Variants in SCN9A observed in about 807,000 individuals in gnomAD.
SCN9A encodes the protein sodium channel protein type 9 subunit alpha.
A neutral mutation model predicts 187.0 loss-of-function variants in SCN9A; 131 were observed. That is an observed-to-expected ratio of 0.70 (90% CI 0.61 to 0.81). SCN9A has a LOEUF of 0.81. Among genes scored for constraint, SCN9A ranks in the 30% least tolerant of loss-of-function variants. The pLI is 0.00. For missense variants in SCN9A, 2,252 were observed against 2,396.6 expected (o/e 0.94, Z 1.26); for synonymous variants, 809 against 808.6 (o/e 1.00, Z -0.01).
rs1250627204 is a variant in SCN9A, at chr2:166,204,115, A to G, written c.4614T>C (p.Gly1538=). The G allele has an allele frequency of 1.2e-6, 2 of 1,612,678 alleles. No individual in the cohort carries two copies. Among genetic ancestry groups the G allele is most frequent in the Admixed American group, 3.3e-5 (2 of 59,886 alleles). The change falls in exon 26 of 27, where the codon GGT becomes GGC. Residue 1538 remains glycine, a synonymous_variant. Coordinates refer to ENST00000642356, the MANE Select transcript of SCN9A (RefSeq NM_001365536.1). The part of the protein sequence containing the change: ...NMVTMMVEKE[G]QSQHMTEVLY... ...AAACTTCAGTCATATGTTGACTTTGACCCTCCTTTTCTACCATCATGGTTA... is the reference window on the plus strand; with the variant it reads ...AAACTTCAGTCATATGTTGACTTTGGCCCTCCTTTTCTACCATCATGGTTA...
chr2:166,346,182 C>T (rs528314905), intron 1 of SCN9A, among the ~76,000 whole-genome samples: 6 of 152,142 alleles, frequency 3.9e-5, no homozygotes, highest in Non-Finnish European at 7.3e-5. Flanking sequence ...CTACCACTAT[C>T]CCCTTTCCCC....
In SCN9A at chr2:166,360,623, T is replaced by A. The variant is rs112675405; in HGVS notation, c.-51+15074A>T. ...CTTTGGCACCAGGCAGACTTAGGTT[T>A]GAATTTCCTGTTTATTCCATATAAT... On this transcript the variant is annotated intron_variant, in intron 1 of 26. Coordinates refer to ENST00000642356, the MANE Select transcript of SCN9A (RefSeq NM_001365536.1). Among the ~76,000 whole-genome samples, 702 of 152,342 alleles carry A rather than the reference T, an allele frequency of 4.6e-3. 5 individuals carry two copies. The highest frequency in any genetic ancestry group is 0.015 in the African/African-American group (634 of 41,586).
At position 166,303,038 on chromosome 2, in the gene SCN9A, C is replaced by G. The variant is rs1698624454; in HGVS notation, c.901+52G>C. ...GCAACATTTCATTATTAAAAGAGAG[C>G]AATGTTTTTAGCATTATTTCAACCT... On this transcript the variant is annotated intron_variant, in intron 7 of 26. Coordinates refer to ENST00000642356, the MANE Select transcript of SCN9A (RefSeq NM_001365536.1). 6.4e-6 allele frequency: 8 copies of G among 1,244,562 alleles called. No homozygotes were observed. The South Asian group carries it at 1.1e-4, about 17-fold the overall frequency. The allele number at this position is 1,244,562 out of a possible 1,614,324, so 77.1% of individuals were successfully genotyped here.
chr2:166,271,888 G>C (rs1697007604), intron 17 of SCN9A, among the ~76,000 whole-genome samples: 1 of 151,750 alleles, frequency 6.6e-6, no homozygotes, highest in Non-Finnish European at 1.5e-5. Context: ...GAGAGAGAGA[G>C]AGAGCGATAC....
intron 11 of SCN9A, 137 bp downstream of exon 11, chr2:166,286,199 G>A (rs572272460): frequency 1.1e-4 from 85 of 784,924 alleles, no homozygotes; most frequent in South Asian, 4.5e-4. Flanking sequence ...TAAATGCCTA[G>A]CGATACTAGG....
chr2:166,295,402 A>G (rs1698254358), intron 7 of SCN9A, among the ~76,000 whole-genome samples: 1 of 152,298 alleles, frequency 6.6e-6, no homozygotes, highest in East Asian at 1.9e-4. Context: ...TTGTGCAAAC[A>G]TCCTAGGGTG....
At chr2:166,234,350 G>T (rs1695220809) in intron 20 of SCN9A, among the ~76,000 whole-genome samples, 1 of 152,100 alleles carries the variant, frequency 6.6e-6, no homozygotes, top group Non-Finnish European at 1.5e-5. Context: ...CGATGTCTAA[G>T]AAAAATGTCT....
chr2:166,269,061 T>A (rs1326263167), intron 17 of SCN9A, among the ~76,000 whole-genome samples: 2 of 151,874 alleles, frequency 1.3e-5, no homozygotes, highest in African/African-American at 2.4e-5. Flanking sequence ...GTGCATACCA[T>A]GGAAATGTAA....
At chr2:166,291,481 T>C (rs533336393) in intron 9 of SCN9A, among the ~76,000 whole-genome samples, 6 of 152,186 alleles carry the variant, frequency 3.9e-5, no homozygotes, top group African/African-American at 7.2e-5. Flanking sequence ...ATCAATGTCA[T>C]GTAAATGGCC....
rs1029813878 is a variant in SCN9A, at chr2:166,278,190, G to A, written c.2467C>T (p.Leu823Phe). The change falls in exon 15 of 27, where the codon CTC (leucine) becomes TTC (phenylalanine). Residue 823 changes from leucine (L) to phenylalanine (F), a missense_variant. Transcript: ENST00000642356. ...SLIVTLSLVE[L>F]FLADVEGLSV... Reference sequence around the variant, plus strand: ...AATCCTTCCACATCTGCTAGAAAGAGCTCCACTAAACTTAAAGTCACAATA... The same window carrying A: ...AATCCTTCCACATCTGCTAGAAAGAACTCCACTAAACTTAAAGTCACAATA... 2 of 1,612,982 alleles carry A rather than the reference G, an allele frequency of 1.2e-6. No individual in the cohort carries two copies. The highest frequency in any genetic ancestry group is 2.2e-5 in the East Asian group (1 of 44,794).
chr2:166,213,432 T>C (rs78263393), intron 24 of SCN9A, among the ~76,000 whole-genome samples: 4,334 of 146,640 alleles, frequency 0.03, 451 homozygotes, highest in Admixed American at 0.2. Context: ...CATGAGGAAA[T>C]AGAATAACTG....
At position 166,231,548 on chromosome 2, in the gene SCN9A, C is replaced by CTTTTTTT. The variant is rs57067738; in HGVS notation, c.3924+1785_3924+1791dup. On this transcript the variant is annotated intron_variant, in intron 21 of 26. Transcript: ENST00000642356. Reference sequence around the variant, plus strand: ...GTCTGGGGTGAGATCCAAGAATTTGCTTTTTTTTTTTTTTTTTTTTTGATA... The same window carrying CTTTTTTT: ...GTCTGGGGTGAGATCCAAGAATTTGCTTTTTTTTTTTTTTTTTTTTTTTTTTTTGATA... 8.7e-3 allele frequency among the ~76,000 whole-genome samples: 860 copies of CTTTTTTT among 99,028 alleles called. 51 individuals carry two copies. Among genetic ancestry groups the CTTTTTTT allele is most frequent in the African/African-American group, 0.034 (824 of 24,566 alleles). 65.0% of individuals were successfully genotyped at this position (99,028 alleles called of 152,430 possible). A position where few individuals can be genotyped will look rare whatever the true frequency, so the allele number is the denominator to read the frequency against.
At chr2:166,305,479 T>C (rs968568958) in intron 5 of SCN9A, among the ~76,000 whole-genome samples, 1 of 152,142 alleles carries the variant, frequency 6.6e-6, no homozygotes, top group Admixed American at 6.5e-5. Context: ...CTTATAGGTT[T>C]TATTCATTTT....
At chr2:166,360,319 T>C (rs1458933801) in intron 1 of SCN9A, among the ~76,000 whole-genome samples, 1 of 151,834 alleles carries the variant, frequency 6.6e-6, no homozygotes, top group Non-Finnish European at 1.5e-5. Context: ...CAACATTTGC[T>C]GGCATATCTG....
intron 1 of SCN9A, among the ~76,000 whole-genome samples, chr2:166,373,425 A>G (rs1192369730): frequency 6.6e-6 from 1 of 151,252 alleles, no homozygotes; most frequent in Non-Finnish European, 1.5e-5. Context: ...AAGTGGAGAG[A>G]TTGATATGGA....
At chr2:166,252,151 A>G (rs1696073009) in intron 17 of SCN9A, among the ~76,000 whole-genome samples, 1 of 152,000 alleles carries the variant, frequency 6.6e-6, no homozygotes, top group Non-Finnish European at 1.5e-5. Context: ...AAATTAGATA[A>G]GGTAATATAT....
At chr2:166,350,801 T>C (rs1482134151) in intron 1 of SCN9A, among the ~76,000 whole-genome samples, 2 of 152,142 alleles carry the variant, frequency 1.3e-5, no homozygotes, top group Non-Finnish European at 2.9e-5. Context: ...TTTAAGTATA[T>C]GTATTACATC....
chr2:166,198,506 A>G lies in SCN9A; in HGVS notation c.*166T>C. 1 of 586,306 alleles carries G rather than the reference A, an allele frequency of 1.7e-6. No individual in the cohort carries two copies. Among genetic ancestry groups the G allele is most frequent in the East Asian group, 2.8e-5 (1 of 35,948 alleles). The allele number at this position is 586,306 out of a possible 1,614,324, so 36.3% of individuals were successfully genotyped here. Reference sequence around the variant, plus strand: ...AAGAATCATCAGTGCAAAAATAACCATCTGCTAATGCTGCCCACCTTTCTT... The same window carrying G: ...AAGAATCATCAGTGCAAAAATAACCGTCTGCTAATGCTGCCCACCTTTCTT... On this transcript the variant is annotated 3_prime_UTR_variant, in exon 27 of 27. Coordinates refer to ENST00000642356, the MANE Select transcript of SCN9A (RefSeq NM_001365536.1).
intron 14 of SCN9A, among the ~76,000 whole-genome samples, chr2:166,280,079 G>A (rs3924001): frequency 0.38 from 57,585 of 151,866 alleles, 10,998 homozygotes; most frequent in Non-Finnish European, 0.4. Context: ...GTTAAGTGTT[G>A]CTCCCAAGAA....
Sources: allele counts gnomAD v4.1 joint callset (sites outside exome capture counted in the v4.1 genomes callset), GRCh38; gene constraint gnomAD v4.1.1; transcripts MANE v1.5; gene names NCBI Gene and HGNC (gene_info 2026-07-23, HGNC 2026-07-21).